BRD7: variants seen among roughly 807,000 people sequenced by gnomAD.
The protein encoded by BRD7 is bromodomain containing 7.
In BRD7, 15 loss-of-function variants were observed where a neutral mutation model predicts 82.1. The ratio of observed to expected loss-of-function variants is 0.18; its 90% confidence interval spans 0.12 to 0.28. The LOEUF (loss-of-function observed/expected upper bound fraction) is 0.28, where lower values mean the gene tolerates loss of function less well. BRD7 is among the 10% of genes least tolerant of loss of function. The pLI is 1.00. For synonymous variants in BRD7, 232 were observed against 266.9 expected (o/e 0.87, Z 1.27); for missense variants, 638 against 779.9 (o/e 0.82, Z 2.17).
intron 9 of BRD7, among the ~76,000 whole-genome samples, chr16:50,327,340 AAGC>A (rs2037383692): frequency 6.6e-6 from 1 of 152,198 alleles, no homozygotes; most frequent in African/African-American, 2.4e-5. Flanking sequence ...GCTTCACAGA[AAGC>A]AGCAGATCTT....
chr16:50,340,883 G>C (rs1466930037), intron 5 of BRD7, among the ~76,000 whole-genome samples: 1 of 151,956 alleles, frequency 6.6e-6, no homozygotes, highest in Non-Finnish European at 1.5e-5. Flanking sequence ...GCCTTACTAA[G>C]TTGAAAGAAA....
At chr16:50,321,859 C>A in intron 13 of BRD7, 123 bp downstream of exon 13, 1 of 828,050 alleles carries the variant, frequency 1.2e-6, no homozygotes, top group Non-Finnish European at 2.0e-6. Flanking sequence ...TCAGCTAGGC[C>A]CTCACAACTC....
Position 50,319,071 on chromosome 16 carries a change from A to G in BRD7, c.*140T>C. 1.2e-6 allele frequency: 1 copy of G among 814,106 alleles called. No homozygotes were observed. Among genetic ancestry groups the G allele is most frequent in the Non-Finnish European group, 1.9e-6 (1 of 519,764 alleles). The allele number at this position is 814,106 out of a possible 1,614,324, so 50.4% of individuals were successfully genotyped here. A position where few individuals can be genotyped will look rare whatever the true frequency, so the allele number is the denominator to read the frequency against. On this transcript the variant is annotated 3_prime_UTR_variant, in exon 17 of 17. Transcript: ENST00000394688. The stretch of plus-strand genomic sequence containing the variant: ...CAGCTTTATTACCTAATACAAGTCC[A>G]ACCTCTGGAACATCCAAATTCGCTG...
intron 5 of BRD7, among the ~76,000 whole-genome samples, chr16:50,340,785 C>T (rs185920229): frequency 8.5e-5 from 13 of 152,196 alleles, no homozygotes; most frequent in East Asian, 3.9e-4. Flanking sequence ...TTTCCAAGTC[C>T]GCTATGTGCT....
rs546782583 is a variant in BRD7, at chr16:50,367,218, TAATAAC to T, written c.258+866_258+871del. On this transcript the variant is annotated intron_variant, in intron 2 of 16. Coordinates refer to ENST00000394688, the MANE Select transcript of BRD7 (RefSeq NM_013263.5). ...GTTAAATTTGGAAAGTTAATAACAG[TAATAAC>T]AATGTTATTATTATTAGAGACAGAG... Among the ~76,000 whole-genome samples the T allele has an allele frequency of 7.2e-5, 11 of 152,340 alleles. No individual in the cohort carries two copies. The South Asian group carries it at 1.9e-3, about 26-fold the overall frequency.
chr16:50,333,807 C>T lies in BRD7; in HGVS notation c.888-110G>A, dbSNP rs1043536649. On this transcript the variant is annotated intron_variant, in intron 7 of 16. Coordinates refer to ENST00000394688, the MANE Select transcript of BRD7 (RefSeq NM_013263.5). ...AACTAAAGTGGAGACATTTGTACTA[C>T]AGTCACTCATTGAAACTTACTTCCT... The T allele has an allele frequency of 4.8e-5, 46 of 949,238 alleles. 1 individual carries two copies. The South Asian group carries it at 5.1e-4, about 11-fold the overall frequency. The allele number at this position is 949,238 out of a possible 1,614,324, so 58.8% of individuals were successfully genotyped here. A position where few individuals can be genotyped will look rare whatever the true frequency, so the allele number is the denominator to read the frequency against.
At chr16:50,368,634 G>T in intron 1 of BRD7, 92 bp downstream of exon 1, 1 of 1,362,046 alleles carries the variant, frequency 7.3e-7, no homozygotes, top group Non-Finnish European at 9.9e-7. Context: ...TGGGAAGGAA[G>T]GGCCCCGGGC....
At chr16:50,324,228 A>C (rs1257796605) in intron 11 of BRD7, among the ~76,000 whole-genome samples, 3 of 151,894 alleles carry the variant, frequency 2.0e-5, no homozygotes, top group Non-Finnish European at 4.4e-5. Flanking sequence ...AAGCCTCGGC[A>C]TCTCTCTCTC....
chr16:50,343,146 TCTTTA>T (rs2038139337), intron 5 of BRD7, among the ~76,000 whole-genome samples: 3 of 152,230 alleles, frequency 2.0e-5, no homozygotes, highest in Admixed American at 1.3e-4. Context: ...GCCAATTTAT[TCTTTA>T]CTTTAGAGTA....
chr16:50,367,986 C>T (rs573450343), intron 2 of BRD7, 104 bp downstream of exon 2: 1 of 1,175,610 alleles, frequency 8.5e-7, no homozygotes, highest in Non-Finnish European at 1.2e-6. Context: ...CGAGCCAGAT[C>T]TTAGAGGCGT....
intron 8 of BRD7, 127 bp downstream of exon 8, chr16:50,333,446 CT>C: frequency 8.4e-7 from 1 of 1,183,434 alleles, no homozygotes; most frequent in Non-Finnish European, 1.2e-6. Context: ...TGTTTTTCTG[CT>C]AAGTATTATA....
chr16:50,316,244 G>A lies in BRD7; in HGVS notation c.*2967C>T, dbSNP rs899580287. The A allele has an allele frequency of 6.6e-6, 1 of 152,314 alleles. No homozygotes were observed. Among genetic ancestry groups the A allele is most frequent in the African/African-American group, 2.4e-5 (1 of 41,422 alleles). The allele number at this position is 152,314 out of a possible 1,614,324, so 9.4% of individuals were successfully genotyped here. A position where few individuals can be genotyped will look rare whatever the true frequency, so the allele number is the denominator to read the frequency against. On this transcript the variant is annotated 3_prime_UTR_variant, in exon 17 of 17. Transcript: ENST00000394688. ...GACTACTGTCTAGCATCAGCTTATGGGGTCAGCTGGCTGTGGGGATAGAGT... is the reference window on the plus strand; with the variant it reads ...GACTACTGTCTAGCATCAGCTTATGAGGTCAGCTGGCTGTGGGGATAGAGT...
intron 8 of BRD7, among the ~76,000 whole-genome samples, chr16:50,333,197 GTAAATT>G (rs2037644435): frequency 6.6e-6 from 1 of 152,174 alleles, no homozygotes; most frequent in Admixed American, 6.5e-5. Flanking sequence ...ATGTTTTCCT[GTAAATT>G]TAAATTCTGT....
chr16:50,320,647 C>A lies in BRD7; in HGVS notation c.1612+16G>T. The A allele has an allele frequency of 6.3e-7, 1 of 1,592,728 alleles. No homozygotes were observed. Among genetic ancestry groups the A allele is most frequent in the South Asian group, 1.1e-5 (1 of 90,564 alleles). On this transcript the variant is annotated intron_variant, in intron 14 of 16. Coordinates refer to ENST00000394688, the MANE Select transcript of BRD7 (RefSeq NM_013263.5). ...CATCATGCAGTGTTTCAATCAAACC[C>A]TCTGGAGACACTTACCTTCAGAGTC... is the stretch of plus-strand genomic sequence containing the variant.
rs1014449939 is a variant in BRD7 at position 50,352,782 on chromosome 16, A to G, written c.446+1643T>C. On this transcript the variant is annotated intron_variant, in intron 4 of 16. Transcript: ENST00000394688. ...TTTGACTTGCATTTCTCTGATTATTAGTGATGGTGAGCATTTTTTCATATA... is the reference window on the plus strand; with the variant it reads ...TTTGACTTGCATTTCTCTGATTATTGGTGATGGTGAGCATTTTTTCATATA... 2.8e-5 allele frequency among the ~76,000 whole-genome samples: 4 copies of G among 142,160 alleles called. No homozygotes were observed. The Admixed American group carries it at 2.9e-4, about 10-fold the overall frequency. The allele number at this position is 142,160 out of a possible 152,430, so 93.3% of individuals were successfully genotyped here.
chr16:50,344,958 A>G (rs960385560), intron 5 of BRD7, among the ~76,000 whole-genome samples: 1 of 152,216 alleles, frequency 6.6e-6, no homozygotes. Flanking sequence ...TCCAAGACAC[A>G]TAATTGTCAG....
chr16:50,340,328 T>A (rs541094141), intron 5 of BRD7, among the ~76,000 whole-genome samples: 5 of 152,232 alleles, frequency 3.3e-5, no homozygotes, highest in Non-Finnish European at 5.9e-5. Context: ...AGTACCTGTA[T>A]ATAAACTGTA....
At chr16:50,321,379 A>C (rs2037094996) in intron 13 of BRD7, among the ~76,000 whole-genome samples, 1 of 151,948 alleles carries the variant, frequency 6.6e-6, no homozygotes, top group Admixed American at 6.6e-5. Context: ...TGGCCAACAT[A>C]GTGAAACCCT....
intron 15 of BRD7, 53 bp downstream of exon 15, chr16:50,320,195 G>T: frequency 6.4e-7 from 1 of 1,571,628 alleles, no homozygotes; most frequent in Non-Finnish European, 8.6e-7. Flanking sequence ...TACTCAAGAA[G>T]TTTTTTCTTT....
Sources: gnomAD v4.1 joint callset for allele counts (sites outside exome capture counted in the v4.1 genomes callset) on GRCh38, gnomAD v4.1.1 for gene constraint, MANE v1.5 for transcripts, NCBI Gene and HGNC (gene_info 2026-07-23, HGNC 2026-07-21) for gene names.